The following VWA3B variants were observed in gnomAD, a reference collection of about 807,000 sequenced individuals.
The protein encoded by VWA3B is von Willebrand factor A domain-containing protein 3B.
Under a neutral mutation model 158.3 loss-of-function variants are expected in VWA3B, and 138 were observed. The ratio of observed to expected loss-of-function variants is 0.87; its 90% CI spans 0.76 to 1.00. The LOEUF (loss-of-function observed/expected upper bound fraction) is 1.00. Ranked by LOEUF, VWA3B falls within the 50% of genes least tolerant of loss-of-function variation. The pLI, the probability that VWA3B is intolerant of heterozygous loss-of-function variation, is 0.00. For synonymous variants in VWA3B, 596 were observed against 587.3 expected, an observed-to-expected ratio of 1.01 and a Z score of -0.21; for missense variants, 1,555 against 1,565.1, an observed-to-expected ratio of 0.99 and a Z score of 0.11.
At chr2:98,094,762 A>G (rs974711016) in intron 2 of VWA3B, among the ~76,000 whole-genome samples, 3 of 152,184 alleles carry the variant, frequency 2.0e-5, no homozygotes, top group African/African-American at 7.2e-5. Flanking sequence ...AGATCCTACA[A>G]TTAAGTCTGT....
downstream of VWA3B, among the ~76,000 whole-genome samples, chr2:98,316,782 T>G (rs1298676348): frequency 1.3e-5 from 2 of 152,132 alleles, no homozygotes; most frequent in African/African-American, 2.4e-5. Context: ...GACTGAGTTC[T>G]TAGGAGATCG....
At chr2:98,186,003 G>A (rs1558649403) in intron 9 of VWA3B, among the ~76,000 whole-genome samples, 1 of 151,910 alleles carries the variant, frequency 6.6e-6, no homozygotes, top group Non-Finnish European at 1.5e-5. Flanking sequence ...ATGCTCCTGG[G>A]AGCTGCTGTC....
At chr2:98,254,724 T>C (rs924632488) in intron 20 of VWA3B, among the ~76,000 whole-genome samples, 1 of 152,172 alleles carries the variant, frequency 6.6e-6, no homozygotes, top group Non-Finnish European at 1.5e-5. Flanking sequence ...TACCGAAAAG[T>C]TGGGCACTGG....
intron 13 of VWA3B, chr2:98,216,987 C>CCCCCCT (rs781288796): frequency 1.1e-5 from 14 of 1,275,364 alleles, no homozygotes; most frequent in Non-Finnish European, 1.3e-5. Context: ...TAAGCACCCG[C>CCCCCCT]CCCGCACCCA....
At chr2:98,183,189 C>CTTTTTTTT (rs1244544813) in intron 9 of VWA3B, among the ~76,000 whole-genome samples, 2,396 of 124,284 alleles carry the variant, frequency 0.019, 81 homozygotes, top group African/African-American at 0.071. Context: ...GTACAGCTCC[C>CTTTTTTTT]TTTTTTTTTT....
rs1488136463 is a variant in VWA3B at position 98,104,194 on chromosome 2, CAGTT to C, written c.196+10910_196+10913del. Reference sequence around the variant, plus strand: ...AATTAATTCAACCAATTAATTAAATCAGTTAGTGTCTTTATCCATTTGTGTTGCT... The same window carrying C: ...AATTAATTCAACCAATTAATTAAATCAGTGTCTTTATCCATTTGTGTTGCT... On this transcript the variant is annotated intron_variant, in intron 2 of 27. Transcript: ENST00000477737. Among the ~76,000 whole-genome samples the C allele has an allele frequency of 3.3e-5, 5 of 152,220 alleles. No individual in the cohort carries two copies. In the East Asian group the frequency reaches 5.8e-4, roughly 18 times the overall value.
Position 98,236,596 on chromosome 2 carries a change from A to C in VWA3B, c.2539A>C (p.Asn847His). Residue 847 changes from asparagine (N) to histidine (H), a missense_variant, in exon 19 of 28, where the codon AAC (asparagine) becomes CAC (histidine). Physicochemically the swap from Asn to His is moderately conservative, Grantham distance 68. Coordinates refer to ENST00000477737, the MANE Select transcript of VWA3B (RefSeq NM_144992.5). ...DHDSSDVSSE[N>H]WLKTYGLVAK... The stretch of plus-strand genomic sequence containing the variant: ...TAGTTCTTCAGATGTGTCTTCAGAA[A>C]ACTGGCTGAAGACCTATGGCTTGGT... The C allele has an allele frequency of 1.2e-6, 2 of 1,614,188 alleles. No homozygotes were observed. The highest frequency in any genetic ancestry group is 1.7e-6 in the Non-Finnish European group (2 of 1,180,034).
chr2:98,321,292 A>G, the VWA3B span, among the ~76,000 whole-genome samples: 1 of 152,246 alleles, frequency 6.6e-6, no homozygotes, highest in South Asian at 2.1e-4. Flanking sequence ...AGGGCAGTGC[A>G]GAAGGAAAAT....
intron 8 of VWA3B, among the ~76,000 whole-genome samples, chr2:98,175,365 A>C (rs919436587): frequency 1.3e-5 from 2 of 152,228 alleles, no homozygotes; most frequent in African/African-American, 4.8e-5. Context: ...TAATGAGAGA[A>C]ATTTTATTTA....
chr2:98,321,862 C>T, the VWA3B span, among the ~76,000 whole-genome samples: 2 of 152,112 alleles, frequency 1.3e-5, no homozygotes, highest in African/African-American at 4.8e-5. Flanking sequence ...GGCTGTGTCC[C>T]CATCCAAATC....
At chr2:98,133,061 A>G (rs1438460901) in intron 6 of VWA3B, among the ~76,000 whole-genome samples, 1 of 152,134 alleles carries the variant, frequency 6.6e-6, no homozygotes, top group Non-Finnish European at 1.5e-5. Flanking sequence ...CCTGCTATTT[A>G]TGGACTTTTT....
the VWA3B span, among the ~76,000 whole-genome samples, chr2:98,319,837 G>A: frequency 1.3e-5 from 2 of 151,190 alleles, no homozygotes; most frequent in South Asian, 2.1e-4. Context: ...CCTAGATCAC[G>A]CCACTGCACT....
chr2:98,090,840 C>T (rs1321093659), intron 1 of VWA3B, among the ~76,000 whole-genome samples: 6 of 151,528 alleles, frequency 4.0e-5, no homozygotes, highest in East Asian at 1.9e-4. Context: ...ACTGCAACCT[C>T]GAACTCCTGG....
chr2:98,157,000 A>G (rs1678138944), intron 7 of VWA3B, among the ~76,000 whole-genome samples: 1 of 152,140 alleles, frequency 6.6e-6, no homozygotes, highest in South Asian at 2.1e-4. Context: ...GGTTTTCTAA[A>G]CGAATTTTGG....
intron 5 of VWA3B, among the ~76,000 whole-genome samples, chr2:98,127,607 G>GGGGGGGCC (rs397706650): frequency 3.1e-5 from 1 of 32,436 alleles, no homozygotes; most frequent in African/African-American, 1.2e-4. Context: ...GGGGGGGGGG[G>GGGGGGGCC]TGTGTCCTGA....
intron 13 of VWA3B, among the ~76,000 whole-genome samples, chr2:98,217,310 C>G (rs528871250): frequency 6.6e-6 from 1 of 152,278 alleles, no homozygotes; most frequent in African/African-American, 2.4e-5. Context: ...TGGGCCCACT[C>G]CCTGTCTAGC....
intron 23 of VWA3B, 144 bp from the exon 24 acceptor site, chr2:98,297,763 G>A: frequency 8.8e-7 from 1 of 1,134,216 alleles, no homozygotes; most frequent in Non-Finnish European, 1.1e-6. Context: ...TGGTGCCCAA[G>A]ATTATCTGCT....
At chr2:98,328,360 T>A in the VWA3B span, among the ~76,000 whole-genome samples, 19 of 152,006 alleles carry the variant, frequency 1.2e-4, no homozygotes, top group Admixed American at 9.8e-4. Flanking sequence ...GCCACTGCAA[T>A]AAGGCAAGAA....
At chr2:98,269,670 CCTT>C (rs1362205380) in intron 21 of VWA3B, among the ~76,000 whole-genome samples, 1 of 152,178 alleles carries the variant, frequency 6.6e-6, no homozygotes, top group Non-Finnish European at 1.5e-5. Context: ...TTCTTACTCT[CCTT>C]CATGCAGCTT....
Sources: gnomAD v4.1 joint callset for allele counts (sites outside exome capture counted in the v4.1 genomes callset) on GRCh38, gnomAD v4.1.1 for gene constraint, MANE v1.5 for transcripts, NCBI Gene and HGNC (gene_info 2026-07-23, HGNC 2026-07-21) for gene names.